ZBTB7C: variants seen among roughly 807,000 people sequenced by gnomAD.
ZBTB7C encodes the protein zinc finger and BTB domain containing 7C.
Under a neutral mutation model 25.7 loss-of-function variants are expected in ZBTB7C, and 8 were observed. The observed-to-expected ratio is 0.31, with a 90% CI of 0.18 to 0.56. The LOEUF is 0.56. Ranked by LOEUF, ZBTB7C falls within the 20% of genes least tolerant of loss-of-function variation. The pLI is 0.91. For synonymous variants in ZBTB7C, 394 were observed against 369.0 expected, an observed-to-expected ratio of 1.07 and a Z score of -0.78; for missense variants, 824 against 855.2, an observed-to-expected ratio of 0.96 and a Z score of 0.46.
At chr18:48,319,603 A>G (rs1319562796) in intron 2 of ZBTB7C, among the ~76,000 whole-genome samples, 1 of 152,240 alleles carries the variant, frequency 6.6e-6, no homozygotes, top group Non-Finnish European at 1.5e-5. Flanking sequence ...TACATACAGC[A>G]TAACAGGCTT....
chr18:48,091,076 G>GT (rs780518929), intron 3 of ZBTB7C, among the ~76,000 whole-genome samples: 6,893 of 143,952 alleles, frequency 0.048, 201 homozygotes, highest in Non-Finnish European at 0.069. Flanking sequence ...TGGTGTTTCT[G>GT]TTTTTTTTTT....
chr18:48,208,466 T>C (rs2042630139), intron 2 of ZBTB7C, among the ~76,000 whole-genome samples: 1 of 152,178 alleles, frequency 6.6e-6, no homozygotes, highest in African/African-American at 2.4e-5. Flanking sequence ...TTCGAACTCA[T>C]GTCTCTCTAA....
chr18:48,054,413 G>T (rs926890738), intron 3 of ZBTB7C, among the ~76,000 whole-genome samples: 58 of 152,262 alleles, frequency 3.8e-4, no homozygotes, highest in African/African-American at 1.3e-3. Context: ...TGCCGTGGGG[G>T]GTGGCAGCTG....
At chr18:48,196,662 C>A (rs961443246) in intron 2 of ZBTB7C, among the ~76,000 whole-genome samples, 1 of 152,136 alleles carries the variant, frequency 6.6e-6, no homozygotes, top group Non-Finnish European at 1.5e-5. Context: ...GGGATCCTCT[C>A]CTCTTTTAAC....
intron 3 of ZBTB7C, among the ~76,000 whole-genome samples, chr18:48,175,085 CTACA>C (rs2041625805): frequency 6.6e-6 from 1 of 151,906 alleles, no homozygotes; most frequent in Admixed American, 6.5e-5. Flanking sequence ...TGTTCATGTC[CTACA>C]TATTTTTAAA....
intron 3 of ZBTB7C, among the ~76,000 whole-genome samples, chr18:48,182,685 G>C (rs2041959217): frequency 6.6e-6 from 1 of 152,194 alleles, no homozygotes; most frequent in African/African-American, 2.4e-5. Context: ...CTGTGTTGAG[G>C]AAGTACCTCC....
At chr18:48,319,088 T>C (rs976939565) in intron 2 of ZBTB7C, among the ~76,000 whole-genome samples, 1 of 148,792 alleles carries the variant, frequency 6.7e-6, no homozygotes, top group Non-Finnish European at 1.5e-5. Context: ...TTAACGAGTA[T>C]TCATGAACGA....
chr18:48,202,916 G>A (rs2042489391), intron 2 of ZBTB7C, among the ~76,000 whole-genome samples: 3 of 151,930 alleles, frequency 2.0e-5, no homozygotes, highest in Admixed American at 2.0e-4. Flanking sequence ...CTCCACAGAA[G>A]TCTCCAGCCT....
intron 2 of ZBTB7C, among the ~76,000 whole-genome samples, chr18:48,272,440 GA>G (rs1470854004): frequency 6.6e-6 from 1 of 152,216 alleles, no homozygotes; most frequent in African/African-American, 2.4e-5. Context: ...ATCAAGGGGA[GA>G]GATGTATTCC....
intron 3 of ZBTB7C, among the ~76,000 whole-genome samples, chr18:48,117,730 C>T (rs1317334500): frequency 6.6e-6 from 1 of 152,058 alleles, no homozygotes; most frequent in African/African-American, 2.4e-5. Flanking sequence ...CTGGGATGAG[C>T]CTTTATGGTG....
intron 2 of ZBTB7C, among the ~76,000 whole-genome samples, chr18:48,245,285 G>T (rs2043651930): frequency 6.6e-6 from 1 of 151,546 alleles, no homozygotes; most frequent in Non-Finnish European, 1.5e-5. Flanking sequence ...AGGATGCAAA[G>T]GCATAAGAAT....
intron 3 of ZBTB7C, among the ~76,000 whole-genome samples, chr18:48,052,635 G>A (rs1306654400): frequency 2.0e-5 from 3 of 152,184 alleles, no homozygotes; most frequent in South Asian, 4.1e-4. Flanking sequence ...AGCATGAGGA[G>A]CAAAGGCTGG....
At chr18:48,297,157 T>C (rs559647102) in intron 2 of ZBTB7C, among the ~76,000 whole-genome samples, 3 of 152,332 alleles carry the variant, frequency 2.0e-5, no homozygotes, top group Non-Finnish European at 4.4e-5. Flanking sequence ...TAGAGTGCTC[T>C]CTCTCCTACA....
chr18:48,327,164 G>A (rs2046238649), intron 2 of ZBTB7C, among the ~76,000 whole-genome samples: 1 of 152,228 alleles, frequency 6.6e-6, no homozygotes, highest in African/African-American at 2.4e-5. Context: ...CTGTCTCTTC[G>A]TGGAAAAGAT....
chr18:48,167,597 T>TGTGTGTGTGTGTGC (rs779870966), intron 3 of ZBTB7C, among the ~76,000 whole-genome samples: 28 of 148,160 alleles, frequency 1.9e-4, no homozygotes, highest in African/African-American at 4.7e-4. Flanking sequence ...TGTGTGTGTG[T>TGTGTGTGTGTGTGC]GCGCGCGTGC....
intron 3 of ZBTB7C, among the ~76,000 whole-genome samples, chr18:48,050,070 C>T (rs2036622542): frequency 6.6e-6 from 1 of 152,188 alleles, no homozygotes; most frequent in Non-Finnish European, 1.5e-5. Context: ...TGTGGATTTC[C>T]TCTCCAGATG....
intron 2 of ZBTB7C, among the ~76,000 whole-genome samples, chr18:48,256,002 A>C (rs1447151990): frequency 1.3e-5 from 2 of 152,330 alleles, no homozygotes; most frequent in East Asian, 3.9e-4. Flanking sequence ...GCAAAAGTGC[A>C]CTGTGGGGAC....
intron 1 of ZBTB7C, among the ~76,000 whole-genome samples, chr18:48,389,821 C>T (rs1304701453): frequency 6.6e-6 from 1 of 152,192 alleles, no homozygotes; most frequent in Admixed American, 6.5e-5. Context: ...GGTACAGTGC[C>T]TGGCACGAAG....
rs141196578 is a variant in ZBTB7C, at chr18:48,117,657, C to T, written c.-17+68277G>A. ...CAGGGCCTGGAGCATCCTATGCCCTCAGCCAGAGGTAACTCTTTTTACTGT... is the reference window on the plus strand; with the variant it reads ...CAGGGCCTGGAGCATCCTATGCCCTTAGCCAGAGGTAACTCTTTTTACTGT... On this transcript the variant is annotated intron_variant, in intron 3 of 4. Coordinates refer to ENST00000590800, the MANE Select transcript of ZBTB7C (RefSeq NM_001318841.2). 2.2e-3 allele frequency among the ~76,000 whole-genome samples: 338 copies of T among 152,304 alleles called. 2 individuals carry two copies. The highest frequency in any genetic ancestry group is 7.5e-3 in the African/African-American group (311 of 41,580).
Sources: allele counts gnomAD v4.1 joint callset (sites outside exome capture counted in the v4.1 genomes callset), GRCh38; gene constraint gnomAD v4.1.1; transcripts MANE v1.5; gene names NCBI Gene and HGNC (gene_info 2026-07-23, HGNC 2026-07-21).